The following NOB1 variants were observed in gnomAD, a reference collection of about 807,000 sequenced individuals.
The protein encoded by NOB1 is RNA-binding protein NOB1.
NOB1 carries 44 observed loss-of-function variants against 44.8 expected under a neutral mutation model. The observed-to-expected ratio is 0.98, with a 90% CI of 0.77 to 1.26. The LOEUF is 1.26. Among genes scored for constraint, NOB1 ranks in the 50% most tolerant of loss-of-function variants. NOB1 has a pLI of 0.00. For missense variants in NOB1, 560 were observed against 544.8 expected (o/e 1.03, Z -0.28); for synonymous variants, 238 against 218.7 (o/e 1.09, Z -0.78).
chr16:69,752,043 C>T (rs763819549), intron 3 of NOB1, among the ~76,000 whole-genome samples, 198 bp downstream of exon 3: 8 of 150,614 alleles, frequency 5.3e-5, no homozygotes, highest in East Asian at 2.0e-4. Flanking sequence ...CCAGCCTGGG[C>T]GACAGAGCAA....
At position 69,742,593 on chromosome 16, in the gene NOB1, A is replaced by T. The variant is rs749241083; in HGVS notation, c.978T>A (p.Leu326=). 6.2e-7 allele frequency: 1 copy of T among 1,613,982 alleles called. No homozygotes were observed. Among genetic ancestry groups the T allele is most frequent in the Admixed American group, 1.7e-5 (1 of 59,990 alleles). The change falls in exon 9 of 9, where the codon CTT becomes CTA. Residue 326 remains leucine (L), a synonymous_variant. Coordinates refer to ENST00000268802, the MANE Select transcript of NOB1 (RefSeq NM_014062.3). ...VLNPRGLRYS[L]PTPKGGKYAI... The stretch of plus-strand genomic sequence containing the variant: ...CGTATTTGCCCCCTTTGGGAGTGGG[A>T]AGCGAGTACTGGAAATAAGACAAGG...
intron 6 of NOB1, 101 bp from the exon 7 acceptor site, chr16:69,748,430 T>TG: frequency 9.0e-7 from 1 of 1,109,614 alleles, no homozygotes; most frequent in Admixed American, 2.3e-5. Context: ...CCATATTCCT[T>TG]GGCTTTTGCG....
chr16:69,749,650 A>G lies in NOB1; in HGVS notation c.328-20T>C. On this transcript the variant is annotated intron_variant, in intron 3 of 8. Transcript: ENST00000268802. ...CTTAACCTTTAAAAAAACAAAAAAC[A>G]TATACCTCTTGTTATCAAAATTAAA... 6.4e-7 allele frequency: 1 copy of G among 1,567,114 alleles called. No individual in the cohort carries two copies. Among genetic ancestry groups the G allele is most frequent in the Non-Finnish European group, 8.7e-7 (1 of 1,151,754 alleles).
intron 3 of NOB1, among the ~76,000 whole-genome samples, chr16:69,751,541 T>C (rs765717529): frequency 6.6e-6 from 1 of 151,496 alleles, no homozygotes; most frequent in Admixed American, 6.6e-5. Flanking sequence ...CACTTGCCAA[T>C]TGCAATGTAT....
rs1286547659 is a variant in NOB1 at position 69,749,010 on chromosome 16, T to C, written c.634A>G (p.Ser212Gly). The C allele has an allele frequency of 8.7e-6, 14 of 1,614,246 alleles. 2 individuals are homozygous for C. In the South Asian group the frequency reaches 1.1e-4, roughly 13 times the overall value. ...TCCTGCTGGATCTGCTTGATGTTAC[T>C]GGGGGTTATCCAGCCACCCCCGTCG... is the stretch of plus-strand genomic sequence containing the variant. ...DDDGGGWITP[S>G]NIKQIQQELE... is the part of the protein sequence containing the mutation. The change falls in exon 6 of 9, where the codon AGT becomes GGT. Residue 212 changes from serine (S) to glycine (G), a missense_variant. Physicochemically the swap from Ser to Gly is moderately conservative, Grantham distance 56. Coordinates refer to ENST00000268802, the MANE Select transcript of NOB1 (RefSeq NM_014062.3).
intron 2 of NOB1, among the ~76,000 whole-genome samples, chr16:69,753,569 A>G (rs1246752705): frequency 6.6e-6 from 1 of 152,236 alleles, no homozygotes; most frequent in Non-Finnish European, 1.5e-5. Context: ...CCATTCTTCA[A>G]AAGTACTATT....
Position 69,742,226 on chromosome 16 carries a change from G to A in NOB1, c.*106C>T. 7.0e-7 allele frequency: 1 copy of A among 1,433,232 alleles called. No individual in the cohort carries two copies. Among genetic ancestry groups the A allele is most frequent in the Non-Finnish European group, 9.5e-7 (1 of 1,048,308 alleles). 88.8% of individuals were successfully genotyped at this position (1,433,232 alleles called of 1,614,324 possible). On this transcript the variant is annotated 3_prime_UTR_variant, in exon 9 of 9. Coordinates refer to ENST00000268802, the MANE Select transcript of NOB1 (RefSeq NM_014062.3). ...CAGAGCCGCACCGTGAAGCCCGCCT[G>A]TTATTTCCATCGGGTGGTCCTGGAG...
intron 3 of NOB1, among the ~76,000 whole-genome samples, chr16:69,750,284 C>G (rs1421025676): frequency 2.0e-5 from 3 of 151,942 alleles, no homozygotes; most frequent in African/African-American, 4.8e-5. Flanking sequence ...GGATTACACA[C>G]AGGAGCCACC....
intron 8 of NOB1, among the ~76,000 whole-genome samples, chr16:69,744,527 G>GA (rs2038412214): frequency 6.6e-6 from 1 of 152,010 alleles, no homozygotes. Context: ...AGCCCGTCCG[G>GA]CCCTCTCTTC....
At position 69,753,440 on chromosome 16, in the gene NOB1, G is replaced by C. The variant is rs1203247431; in HGVS notation, c.197-1069C>G. Among the ~76,000 whole-genome samples, 12 of 152,278 alleles carry C rather than the reference G, an allele frequency of 7.9e-5. No homozygotes were observed. In the East Asian group the frequency reaches 2.3e-3, roughly 29 times the overall value. On this transcript the variant is annotated intron_variant, in intron 2 of 8. Transcript: ENST00000268802. ...TGCTACCCTGGTACAAGGAACACTA[G>C]GTATATTGCTCTTATTTCCTAAAAA...
chr16:69,745,116 G>A, intron 7 of NOB1, 99 bp from the exon 8 acceptor site: 2 of 1,308,740 alleles, frequency 1.5e-6, no homozygotes, highest in South Asian at 2.6e-5. Flanking sequence ...GAAGAAACAG[G>A]GAAGGGCTGA....
rs1416704419 is a variant in NOB1, at chr16:69,749,439, G to A, written c.400-101C>T. The A allele has an allele frequency of 5.8e-6, 9 of 1,550,714 alleles. No homozygotes were observed. The Admixed American group carries it at 1.5e-4, about 26-fold the overall frequency. On this transcript the variant is annotated intron_variant, in intron 4 of 8. Transcript: ENST00000268802. Reference sequence around the variant, plus strand: ...TATGATATACAAGTCAGATCAGACAGGGCTGGACAAACTATGTTATTGGTC... The same window carrying A: ...TATGATATACAAGTCAGATCAGACAAGGCTGGACAAACTATGTTATTGGTC...
At chr16:69,748,824 G>A (rs984889996) in intron 6 of NOB1, 94 bp downstream of exon 6, 8 of 1,154,984 alleles carry the variant, frequency 6.9e-6, no homozygotes, top group Admixed American at 3.0e-5. Flanking sequence ...GAAAAGAAGC[G>A]CTGCACAGCA....
At chr16:69,748,194 C>T (rs775488232) in intron 7 of NOB1, 38 bp downstream of exon 7, 5 of 1,482,436 alleles carry the variant, frequency 3.4e-6, no homozygotes, top group Admixed American at 1.7e-5. Context: ...GAAGAGTGTT[C>T]CACAGAGGGC....
chr16:69,752,958 G>A (rs559672986), intron 2 of NOB1, among the ~76,000 whole-genome samples: 36 of 151,704 alleles, frequency 2.4e-4, no homozygotes, highest in African/African-American at 8.2e-4. Context: ...AAGTTGGGGC[G>A]TGGTGGCTCA....
intron 7 of NOB1, among the ~76,000 whole-genome samples, chr16:69,747,284 T>C (rs2038441138): frequency 7.0e-6 from 1 of 143,498 alleles, no homozygotes; most frequent in South Asian, 2.3e-4. Flanking sequence ...AGGCCTGTAA[T>C]CGCACCACTT....
intron 3 of NOB1, among the ~76,000 whole-genome samples, chr16:69,750,286 G>C (rs2038472274): frequency 6.6e-6 from 1 of 151,826 alleles, no homozygotes; most frequent in East Asian, 1.9e-4. Context: ...ATTACACACA[G>C]GAGCCACCGA....
Position 69,748,918 on chromosome 16 carries a change from C to T in NOB1, c.726G>A (p.Gln242=). 6.2e-7 allele frequency: 1 copy of T among 1,600,638 alleles called. No individual in the cohort carries two copies. The highest frequency in any genetic ancestry group is 1.3e-5 in the African/African-American group (1 of 74,872). Residue 242 remains glutamine (Q), a splice_region_variant and synonymous_variant, in exon 6 of 9, where the codon CAG becomes CAA. Coordinates refer to ENST00000268802, the MANE Select transcript of NOB1 (RefSeq NM_014062.3). The part of the protein sequence containing the change: ...VGCLTTDFAM[Q]NVLLQMGLHV... ...CACGGCCCAGGCCCACCCTACCCAC[C>T]TGCATGGCGAAGTCTGTGGTCAGGC...
rs749166459 is a variant in NOB1 at position 69,749,100 on chromosome 16, C to T, written c.544G>A (p.Val182Ile). ...TCCTCCTCCTCCTCCTCACTTGGAACGTCCTCACCTCTGTCAATCTGAAAC... is the reference window on the plus strand; with the variant it reads ...TCCTCCTCCTCCTCCTCACTTGGAATGTCCTCACCTCTGTCAATCTGAAAC... ...QELLIDRGED[V>I]PSEEEEEEEN... The change falls in exon 6 of 9, where the codon GTT becomes ATT. Residue 182 changes from valine (V) to isoleucine (I), a missense_variant. Val to Ile is a conservative substitution (Grantham distance 29). Coordinates refer to ENST00000268802, the MANE Select transcript of NOB1 (RefSeq NM_014062.3). 12 of 1,614,140 alleles carry T rather than the reference C, an allele frequency of 7.4e-6. No individual in the cohort carries two copies. Among genetic ancestry groups the T allele is most frequent in the African/African-American group, 1.3e-5 (1 of 74,950 alleles).
Sources: gnomAD v4.1 joint callset for allele counts (sites outside exome capture counted in the v4.1 genomes callset) on GRCh38, gnomAD v4.1.1 for gene constraint, MANE v1.5 for transcripts, NCBI Gene and HGNC (gene_info 2026-07-23, HGNC 2026-07-21) for gene names.